The following PCDH15 variants were observed in gnomAD, a reference collection of about 807,000 sequenced individuals.
The protein encoded by PCDH15 is protocadherin-15.
In PCDH15, 129 loss-of-function variants were observed where a neutral mutation model predicts 178.5. That is an observed-to-expected ratio of 0.72 (90% confidence interval 0.63 to 0.84). The LOEUF (loss-of-function observed/expected upper bound fraction) is 0.84, where lower values mean the gene tolerates loss of function less well. PCDH15 is among the 40% of genes least tolerant of loss of function. The pLI is 0.00. For synonymous variants in PCDH15, 800 were observed against 732.0 expected (o/e 1.09, Z -1.50); for missense variants, 2,230 against 2,099.9 (o/e 1.06, Z -1.21).
At chr10:54,752,043 T>G (rs1285924272) in intron 1 of PCDH15, among the ~76,000 whole-genome samples, 1 of 152,312 alleles carries the variant, frequency 6.6e-6, no homozygotes, top group South Asian at 2.1e-4. Context: ...TATATTTTAT[T>G]CCAGATAAAT....
chr10:55,065,609 A>C (rs1329452926), intron 2 of PCDH15, among the ~76,000 whole-genome samples: 1 of 152,042 alleles, frequency 6.6e-6, no homozygotes, highest in African/African-American at 2.4e-5. Context: ...TTTCCTTACC[A>C]ATGCCCTTCT....
chr10:55,161,761 T>A (rs1282036165), intron 2 of PCDH15, among the ~76,000 whole-genome samples: 1 of 152,116 alleles, frequency 6.6e-6, no homozygotes, highest in Non-Finnish European at 1.5e-5. Flanking sequence ...GACCTTATCT[T>A]CTCAGGACAA....
chr10:55,186,209 T>C (rs1839795761), intron 1 of PCDH15, among the ~76,000 whole-genome samples: 1 of 151,564 alleles, frequency 6.6e-6, no homozygotes, highest in Non-Finnish European at 1.5e-5. Flanking sequence ...TACAGATAAA[T>C]AAAGAATGGA....
At chr10:53,957,753 G>T (rs1014270474) in intron 23 of PCDH15, among the ~76,000 whole-genome samples, 1 of 152,074 alleles carries the variant, frequency 6.6e-6, no homozygotes, top group Non-Finnish European at 1.5e-5. Context: ...TGTGGATAAG[G>T]AGGGGACTAC....
intron 2 of PCDH15, among the ~76,000 whole-genome samples, chr10:54,652,026 A>G (rs1228875760): frequency 3.3e-5 from 5 of 152,114 alleles, no homozygotes; most frequent in Admixed American, 3.3e-4. Flanking sequence ...AAGGAATTTA[A>G]TGTCTAATTC....
At chr10:55,098,629 A>C (rs902413391) in intron 2 of PCDH15, among the ~76,000 whole-genome samples, 7 of 152,056 alleles carry the variant, frequency 4.6e-5, no homozygotes, top group East Asian at 1.9e-4. Flanking sequence ...AGCCAGCCAG[A>C]CAATGACCCC....
intron 2 of PCDH15, among the ~76,000 whole-genome samples, chr10:55,471,961 T>C (rs1839964384): frequency 6.6e-6 from 1 of 152,206 alleles, no homozygotes; most frequent in Non-Finnish European, 1.5e-5. Flanking sequence ...ACGGCCAATA[T>C]GGAAGGAGGA....
At chr10:54,719,825 G>A (rs986556662) in intron 1 of PCDH15, among the ~76,000 whole-genome samples, 6 of 151,870 alleles carry the variant, frequency 4.0e-5, no homozygotes, top group Admixed American at 2.6e-4. Flanking sequence ...ATGGCTTCCA[G>A]CATCATCCAT....
chr10:53,910,524 C>A, intron 25 of PCDH15, among the ~76,000 whole-genome samples: 1 of 152,090 alleles, frequency 6.6e-6, no homozygotes, highest in East Asian at 1.9e-4. Context: ...TCATCAAAGA[C>A]CAAAGGTAGA....
intron 1 of PCDH15, among the ~76,000 whole-genome samples, chr10:55,270,451 C>A (rs573442033): frequency 1.4e-3 from 202 of 144,496 alleles, no homozygotes; most frequent in South Asian, 4.4e-3. Flanking sequence ...AAAAAAAAAA[C>A]CAAATAACTC....
intron 8 of PCDH15, among the ~76,000 whole-genome samples, chr10:54,260,010 C>T (rs1354265785): frequency 1.3e-5 from 2 of 152,024 alleles, no homozygotes; most frequent in Non-Finnish European, 2.9e-5. Flanking sequence ...TAAATTTATG[C>T]CACTAGAAGC....
intron 17 of PCDH15, among the ~76,000 whole-genome samples, chr10:54,069,200 C>A (rs1219251000): frequency 6.6e-6 from 1 of 152,092 alleles, no homozygotes; most frequent in Non-Finnish European, 1.5e-5. Context: ...AGAATGGTGA[C>A]CCTGGAGTTT....
chr10:54,564,290 A>G (rs560223306), intron 2 of PCDH15, among the ~76,000 whole-genome samples: 1 of 152,322 alleles, frequency 6.6e-6, no homozygotes, highest in African/African-American at 2.4e-5. Flanking sequence ...AGGATGTCTA[A>G]TTTAAGGCAA....
intron 2 of PCDH15, among the ~76,000 whole-genome samples, chr10:55,430,491 G>A (rs1838857116): frequency 6.6e-6 from 1 of 152,092 alleles, no homozygotes; most frequent in African/African-American, 2.4e-5. Flanking sequence ...GTTTAGCTAA[G>A]TGCATTCACC....
rs190509638 is a variant in PCDH15, at chr10:54,703,447, G to A, written c.-28-39157C>T. Among the ~76,000 whole-genome samples the A allele has an allele frequency of 2.1e-3, 316 of 152,030 alleles. 1 individual carries two copies. The highest frequency in any genetic ancestry group is 7.5e-3 in the African/African-American group (311 of 41,498). Reference sequence around the variant, plus strand: ...AGAGAGGAAGTCAAACTGTCTCTATGTGCAGATTATATGATTCTATATGTA... The same window carrying A: ...AGAGAGGAAGTCAAACTGTCTCTATATGCAGATTATATGATTCTATATGTA... On this transcript the variant is annotated intron_variant, in intron 1 of 37. Coordinates refer to ENST00000644397, the MANE Select transcript of PCDH15 (RefSeq NM_001384140.1).
intron 7 of PCDH15, among the ~76,000 whole-genome samples, chr10:54,319,482 G>C (rs1490824425): frequency 6.6e-6 from 1 of 152,104 alleles, no homozygotes; most frequent in Non-Finnish European, 1.5e-5. Flanking sequence ...TCTGGCAGCA[G>C]TAAACATATT....
intron 3 of PCDH15, among the ~76,000 whole-genome samples, chr10:54,436,026 G>GAAAAGAAAAGAAAAGAAA (rs768623263): frequency 1.9e-5 from 2 of 107,352 alleles, no homozygotes; most frequent in African/African-American, 9.0e-5. Flanking sequence ...GGAGAGGAGA[G>GAAAAGAAAAGAAAAGAAA]GAGAGGAGAG....
intron 2 of PCDH15, among the ~76,000 whole-genome samples, chr10:54,588,975 G>A (rs1325151581): frequency 6.6e-6 from 1 of 152,094 alleles, no homozygotes; most frequent in Non-Finnish European, 1.5e-5. Context: ...AATTCCAAAA[G>A]TTTGAGAAAG....
chr10:54,348,772 T>C (rs1209626571), intron 5 of PCDH15, among the ~76,000 whole-genome samples: 3 of 152,208 alleles, frequency 2.0e-5, no homozygotes, highest in Admixed American at 6.5e-5. Flanking sequence ...AATAGATTTA[T>C]TGAATTTATT....
Sources: allele counts gnomAD v4.1 joint callset (sites outside exome capture counted in the v4.1 genomes callset), GRCh38; gene constraint gnomAD v4.1.1; transcripts MANE v1.5; gene names NCBI Gene and HGNC (gene_info 2026-07-23, HGNC 2026-07-21).